Variants in CNTNAP2 observed in about 807,000 individuals in gnomAD.
CNTNAP2 encodes the protein contactin-associated protein-like 2.
CNTNAP2 carries 98 observed loss-of-function variants against 155.2 expected under a neutral mutation model. The observed-to-expected ratio is 0.63, with a 90% CI of 0.54 to 0.75. CNTNAP2 has a LOEUF of 0.75. CNTNAP2 is among the 30% of genes least tolerant of loss of function. The probability of loss-of-function intolerance (pLI) is 0.00; values close to 1 mark genes in which losing one functional copy is unlikely to be tolerated. For missense variants in CNTNAP2, 1,727 were observed against 1,688.1 expected (o/e 1.02, Z -0.40); for synonymous variants, 651 against 631.2 (o/e 1.03, Z -0.47).
chr7:148,115,965 C>A (rs1804460503), intron 15 of CNTNAP2, among the ~76,000 whole-genome samples: 1 of 151,780 alleles, frequency 6.6e-6, no homozygotes, highest in South Asian at 2.1e-4. Context: ...ATGGTGAAAC[C>A]CCGTCTCTAC....
intron 1 of CNTNAP2, among the ~76,000 whole-genome samples, chr7:146,729,899 G>A (rs1801495239): frequency 6.6e-6 from 1 of 152,162 alleles, no homozygotes; most frequent in Non-Finnish European, 1.5e-5. Context: ...AGGGACAGTA[G>A]AGCTAATTTA....
At chr7:147,187,857 C>T (rs560524326) in intron 8 of CNTNAP2, among the ~76,000 whole-genome samples, 9 of 152,244 alleles carry the variant, frequency 5.9e-5, no homozygotes, top group South Asian at 2.1e-4. Context: ...CTCAGGAGTT[C>T]GAGATCAGCC....
At chr7:148,201,816 TA>T (rs931645967) in intron 18 of CNTNAP2, among the ~76,000 whole-genome samples, 5 of 151,636 alleles carry the variant, frequency 3.3e-5, no homozygotes, top group African/African-American at 1.2e-4. Context: ...CTTGAACTAT[TA>T]AAAAAAATAA....
At chr7:146,465,813 T>TTA (rs1396768448) in intron 1 of CNTNAP2, among the ~76,000 whole-genome samples, 1 of 152,224 alleles carries the variant, frequency 6.6e-6, no homozygotes, top group Admixed American at 6.5e-5. Flanking sequence ...TGTTGTTTTT[T>TTA]TATATGATTC....
intron 1 of CNTNAP2, among the ~76,000 whole-genome samples, chr7:146,540,630 G>T (rs1221747675): frequency 6.6e-6 from 1 of 151,970 alleles, no homozygotes; most frequent in Admixed American, 6.6e-5. Context: ...TGACTCCAAA[G>T]AGAGGAAGTG....
Position 148,056,009 on chromosome 7 carries a change from A to G in CNTNAP2, c.2384-62109A>G, listed in dbSNP as rs142659197. ...GCTTCTCATGAGAACTCTACCTAAC[A>G]GAAAGTTCTGTGTTGAATAGCGATG... On this transcript the variant is annotated intron_variant, in intron 15 of 23. Coordinates refer to ENST00000361727, the MANE Select transcript of CNTNAP2 (RefSeq NM_014141.6). 1.8e-3 allele frequency among the ~76,000 whole-genome samples: 280 copies of G among 152,288 alleles called. 1 individual carries two copies. Among genetic ancestry groups the G allele is most frequent in the Non-Finnish European group, 2.6e-3 (174 of 68,020 alleles).
intron 1 of CNTNAP2, among the ~76,000 whole-genome samples, chr7:146,311,409 G>A (rs1800817994): frequency 6.6e-6 from 1 of 151,940 alleles, no homozygotes; most frequent in Non-Finnish European, 1.5e-5. Flanking sequence ...TTGGTTGAGA[G>A]GAATGACTAA....
intron 2 of CNTNAP2, among the ~76,000 whole-genome samples, chr7:146,780,186 CCTGA>C (rs1185905547): frequency 1.5e-5 from 2 of 134,144 alleles, no homozygotes; most frequent in Non-Finnish European, 3.4e-5. Context: ...TCTGTTGTTT[CCTGA>C]CTGTTTTTTT....
At chr7:146,905,221 G>A (rs1796094230) in intron 3 of CNTNAP2, among the ~76,000 whole-genome samples, 1 of 151,914 alleles carries the variant, frequency 6.6e-6, no homozygotes, top group Admixed American at 6.6e-5. Flanking sequence ...ATTGCCTCTG[G>A]CCTAGAAGAT....
chr7:147,326,776 T>G (rs1252207389), intron 9 of CNTNAP2, among the ~76,000 whole-genome samples: 1 of 152,184 alleles, frequency 6.6e-6, no homozygotes, highest in Admixed American at 6.5e-5. Context: ...ACAAATGAGG[T>G]GAAACGTATA....
intron 8 of CNTNAP2, among the ~76,000 whole-genome samples, chr7:147,172,391 T>A (rs1041589767): frequency 6.6e-6 from 1 of 152,170 alleles, no homozygotes; most frequent in African/African-American, 2.4e-5. Flanking sequence ...TATGGAATAA[T>A]GCATTATGCA....
chr7:147,414,814 G>T (rs150026346), intron 10 of CNTNAP2, among the ~76,000 whole-genome samples: 2 of 151,724 alleles, frequency 1.3e-5, no homozygotes, highest in African/African-American at 4.8e-5. Flanking sequence ...GGTGGTGGGC[G>T]CCTGTAGTCC....
chr7:146,454,277 CTT>C (rs1377377839), intron 1 of CNTNAP2, among the ~76,000 whole-genome samples: 4 of 151,894 alleles, frequency 2.6e-5, no homozygotes, highest in African/African-American at 9.7e-5. Context: ...CTTAGTATTC[CTT>C]AGTATGAAGT....
chr7:146,232,880 A>G (rs988427536), intron 1 of CNTNAP2, among the ~76,000 whole-genome samples: 4 of 152,112 alleles, frequency 2.6e-5, no homozygotes, highest in Non-Finnish European at 5.9e-5. Context: ...GGGATACAAG[A>G]GTGAATATGG....
At chr7:147,671,951 A>G (rs546836842) in intron 13 of CNTNAP2, 2 of 152,376 alleles carry the variant, frequency 1.3e-5, no homozygotes, top group East Asian at 3.9e-4. Context: ...CAAATTAGGG[A>G]AGCCCTAAGG....
At chr7:147,173,862 C>A (rs4726821) in intron 8 of CNTNAP2, among the ~76,000 whole-genome samples, 78,869 of 152,028 alleles carry the variant, frequency 0.52, 21,218 homozygotes, top group South Asian at 0.7. Flanking sequence ...TGGTTCTGAC[C>A]GCTGTAAACT....
chr7:148,305,165 G>A (rs919825299), intron 21 of CNTNAP2, among the ~76,000 whole-genome samples: 3 of 143,326 alleles, frequency 2.1e-5, no homozygotes, highest in African/African-American at 7.9e-5. Flanking sequence ...GGAGACTGCA[G>A]CGAGCTATGA....
intron 1 of CNTNAP2, among the ~76,000 whole-genome samples, chr7:146,313,186 G>A (rs1800854822): frequency 6.6e-6 from 1 of 152,096 alleles, no homozygotes; most frequent in South Asian, 2.1e-4. Flanking sequence ...AATGTACAAG[G>A]GTTACCTTTT....
chr7:148,097,847 A>T (rs908934483), intron 15 of CNTNAP2, among the ~76,000 whole-genome samples: 7 of 152,194 alleles, frequency 4.6e-5, no homozygotes, highest in African/African-American at 1.4e-4. Flanking sequence ...AGGTGTCAAA[A>T]ACAGAGCAAA....
Sources: gnomAD v4.1 joint callset for allele counts (sites outside exome capture counted in the v4.1 genomes callset) on GRCh38, gnomAD v4.1.1 for gene constraint, MANE v1.5 for transcripts, NCBI Gene and HGNC (gene_info 2026-07-23, HGNC 2026-07-21) for gene names.